MARS2: variants seen among roughly 807,000 people sequenced by gnomAD.
MARS2 encodes the protein methionyl-tRNA synthetase 2, mitochondrial, also known as methionine--tRNA ligase, mitochondrial.
In MARS2, 33 loss-of-function variants were observed where a neutral mutation model predicts 43.8. The ratio of observed to expected loss-of-function variants is 0.75; its 90% CI spans 0.57 to 1.01. The LOEUF is 1.01. Among genes scored for constraint, MARS2 ranks in the 50% least tolerant of loss-of-function variants. The pLI, the probability that MARS2 is intolerant of heterozygous loss-of-function variation, is 0.00. For missense variants in MARS2, 720 were observed against 763.0 expected (o/e 0.94, Z 0.66); for synonymous variants, 351 against 325.5 (o/e 1.08, Z -0.84).
At position 197,706,152 on chromosome 2, in the gene MARS2, G is replaced by A. The variant is rs1471057440; in HGVS notation, c.747G>A (p.Glu249=). 1 of 1,614,170 alleles carries A rather than the reference G, an allele frequency of 6.2e-7. No homozygotes were observed. Among genetic ancestry groups the A allele is most frequent in the Admixed American group, 1.7e-5 (1 of 60,032 alleles). ...TAGTTCTTCAGTGGCTGGACGAGGA[G>A]CTGCCCGACCTGTCCGTGTCTCGCA... is the stretch of plus-strand genomic sequence containing the variant. The part of the protein sequence containing the change: ...HHVVLQWLDE[E]LPDLSVSRRS... The change falls in exon 1 of 1, where the codon GAG becomes GAA. Residue 249 remains glutamate, a synonymous_variant. Transcript: ENST00000282276.
chr2:197,706,502 C>T lies in MARS2; in HGVS notation c.1097C>T (p.Thr366Ile). Residue 366 changes from threonine to isoleucine, a missense_variant, in exon 1 of 1, where the codon ACC becomes ATC. Physicochemically the swap from Thr to Ile is moderately conservative, Grantham distance 89. Coordinates refer to ENST00000282276, the MANE Select transcript of MARS2 (RefSeq NM_138395.4). ...VDPRTCLNRY[T>I]VDGFRYFLLR... ...CCTAGGACTTGCCTTAACCGCTATA[C>T]CGTGGATGGCTTCCGCTACTTTCTC... The T allele has an allele frequency of 6.2e-7, 1 of 1,614,054 alleles. No homozygotes were observed. Among genetic ancestry groups the T allele is most frequent in the Non-Finnish European group, 8.5e-7 (1 of 1,180,040 alleles).
In MARS2 at chr2:197,705,738, C is replaced by G; in HGVS notation, c.333C>G (p.Thr111=). 6.2e-7 allele frequency: 1 copy of G among 1,612,340 alleles called. No homozygotes were observed. The highest frequency in any genetic ancestry group is 8.5e-7 in the Non-Finnish European group (1 of 1,180,034). ...CAGCTACCGCGGGCCTGGCCCCGAC[C>G]GAGCTGTGCGACCGAGTCTCTGAGC... ...QAAATAGLAP[T]ELCDRVSEQF... Residue 111 remains threonine, a synonymous_variant, in exon 1 of 1, where the codon ACC becomes ACG. Transcript: ENST00000282276.
chr2:197,705,990 A>G lies in MARS2; in HGVS notation c.585A>G (p.Val195=). 6.2e-7 allele frequency: 1 copy of G among 1,614,172 alleles called. No individual in the cohort carries two copies. The highest frequency in any genetic ancestry group is 8.5e-7 in the Non-Finnish European group (1 of 1,180,030). ...GCCCATCGGGGGATTCGTTTCCTGT[A>G]TCTCTCGAGAGCGGGCATCCAGTCT... is the stretch of plus-strand genomic sequence containing the variant. ...QPGPSGDSFP[V]SLESGHPVSW... Residue 195 remains valine, a synonymous_variant, in exon 1 of 1, where the codon GTA becomes GTG. Transcript: ENST00000282276.
rs1045228041 is a variant in MARS2 at position 197,706,838 on chromosome 2, G to C, written c.1433G>C (p.Ser478Thr). ...TATAAGGCTCTGGAGGCCGTGTCCAGCTGTGTCCGGCAAACTAATGGTTTT... is the reference window on the plus strand; with the variant it reads ...TATAAGGCTCTGGAGGCCGTGTCCACCTGTGTCCGGCAAACTAATGGTTTT... ...RIYKALEAVS[S>T]CVRQTNGFVQ... is the part of the protein sequence containing the mutation. Residue 478 changes from serine to threonine, a missense_variant, in exon 1 of 1, where the codon AGC becomes ACC. Physicochemically the swap from Ser to Thr is moderately conservative, Grantham distance 58. Coordinates refer to ENST00000282276, the MANE Select transcript of MARS2 (RefSeq NM_138395.4). The C allele has an allele frequency of 1.2e-6, 2 of 1,614,024 alleles. No homozygotes were observed. Among genetic ancestry groups the C allele is most frequent in the African/African-American group, 2.7e-5 (2 of 74,938 alleles).
In MARS2 at chr2:197,705,578, C is replaced by T. The variant is rs779217180; in HGVS notation, c.173C>T (p.Pro58Leu). ...CCCATTTTCTACGTGAACGCGGCGC[C>T]GCACATCGGGCACCTGTACTCGGCA... The part of the protein sequence containing the change: ...TTPIFYVNAA[P>L]HIGHLYSALL... Residue 58 changes from proline to leucine, a missense_variant, in exon 1 of 1, where the codon CCG becomes CTG. Transcript: ENST00000282276. 1.7e-5 allele frequency: 27 copies of T among 1,613,140 alleles called. No homozygotes were observed. In the East Asian group the frequency reaches 4.0e-4, roughly 24 times the overall value.
chr2:197,705,501 C>T lies in MARS2; in HGVS notation c.96C>T (p.Gly32=), dbSNP rs375008266. ...EDFGPRYYSS[G]SLSAGDDACD... ...TCGGCCCACGCTACTACAGTTCGGGCTCCCTCAGTGCCGGCGATGATGCTT... is the reference window on the plus strand; with the variant it reads ...TCGGCCCACGCTACTACAGTTCGGGTTCCCTCAGTGCCGGCGATGATGCTT... The change falls in exon 1 of 1, where the codon GGC becomes GGT. Residue 32 remains glycine (G), a synonymous_variant. Transcript: ENST00000282276. 1 of 1,613,192 alleles carries T rather than the reference C, an allele frequency of 6.2e-7. No homozygotes were observed. The highest frequency in any genetic ancestry group is 1.3e-5 in the African/African-American group (1 of 75,040).
In MARS2 at chr2:197,706,085, G is replaced by A. The variant is rs898307831; in HGVS notation, c.680G>A (p.Arg227Gln). ...QFRKPLQRWL[R>Q]GNPQAITPEP... Reference sequence around the variant, plus strand: ...CGGAAGCCACTCCAGCGGTGGCTGCGGGGCAACCCTCAGGCGATCACCCCC... The same window carrying A: ...CGGAAGCCACTCCAGCGGTGGCTGCAGGGCAACCCTCAGGCGATCACCCCC... The change falls in exon 1 of 1, where the codon CGG (arginine) becomes CAG (glutamine). Residue 227 changes from arginine (R) to glutamine (Q), a missense_variant. Coordinates refer to ENST00000282276, the MANE Select transcript of MARS2 (RefSeq NM_138395.4). The A allele has an allele frequency of 1.4e-5, 23 of 1,614,024 alleles. No individual in the cohort carries two copies. In the East Asian group the frequency reaches 4.7e-4, roughly 33 times the overall value.
Position 197,706,836 on chromosome 2 carries a change from C to T in MARS2, c.1431C>T (p.Ser477=), listed in dbSNP as rs372857559. 5 of 1,614,064 alleles carry T rather than the reference C, an allele frequency of 3.1e-6. No homozygotes were observed. The highest frequency in any genetic ancestry group is 1.6e-4 in the Middle Eastern group (1 of 6,084). ...FRIYKALEAV[S]SCVRQTNGFV... The stretch of plus-strand genomic sequence containing the variant: ...TATATAAGGCTCTGGAGGCCGTGTC[C>T]AGCTGTGTCCGGCAAACTAATGGTT... The change falls in exon 1 of 1, where the codon TCC becomes TCT. Residue 477 remains serine (S), a synonymous_variant. Coordinates refer to ENST00000282276, the MANE Select transcript of MARS2 (RefSeq NM_138395.4).
Position 197,705,999 on chromosome 2 carries a change from G to A in MARS2, c.594G>A (p.Glu198=). ...PSGDSFPVSL[E]SGHPVSWTKE... ...GGGATTCGTTTCCTGTATCTCTCGA[G>A]AGCGGGCATCCAGTCTCCTGGACCA... The change falls in exon 1 of 1, where the codon GAG becomes GAA. Residue 198 remains glutamate, a synonymous_variant. Coordinates refer to ENST00000282276, the MANE Select transcript of MARS2 (RefSeq NM_138395.4). The A allele has an allele frequency of 2.5e-6, 4 of 1,614,216 alleles. No homozygotes were observed. Among genetic ancestry groups the A allele is most frequent in the Non-Finnish European group, 3.4e-6 (4 of 1,180,054 alleles).
rs1331585191 is a variant in MARS2 at position 197,707,420 on chromosome 2, A to G, written c.*233A>G. On this transcript the variant is annotated 3_prime_UTR_variant, in exon 1 of 1. Transcript: ENST00000282276. ...TGTGTCTAAGATGTCTTCAGGGGAAAGATGGGTAAGAGACAGTGTTGCTAA... is the reference window on the plus strand; with the variant it reads ...TGTGTCTAAGATGTCTTCAGGGGAAGGATGGGTAAGAGACAGTGTTGCTAA... 1.0e-5 allele frequency: 5 copies of G among 501,550 alleles called. No individual in the cohort carries two copies. The highest frequency in any genetic ancestry group is 9.7e-5 in the African/African-American group (5 of 51,654). The allele number at this position is 501,550 out of a possible 1,614,324, so 31.1% of individuals were successfully genotyped here.
chr2:197,705,699 G>T lies in MARS2; in HGVS notation c.294G>T (p.Lys98Asn). The part of the protein sequence containing the change: ...FSTGTDEHGL[K>N]IQQAAATAGL... Reference sequence around the variant, plus strand: ...CTGGTACCGACGAGCACGGGCTGAAGATTCAGCAGGCAGCAGCTACCGCGG... The same window carrying T: ...CTGGTACCGACGAGCACGGGCTGAATATTCAGCAGGCAGCAGCTACCGCGG... The change falls in exon 1 of 1, where the codon AAG becomes AAT. Residue 98 changes from lysine (K) to asparagine (N), a missense_variant. Coordinates refer to ENST00000282276, the MANE Select transcript of MARS2 (RefSeq NM_138395.4). 7 of 1,611,172 alleles carry T rather than the reference G, an allele frequency of 4.3e-6. No homozygotes were observed. The highest frequency in any genetic ancestry group is 5.9e-6 in the Non-Finnish European group (7 of 1,180,028).
chr2:197,706,551 G>A lies in MARS2; in HGVS notation c.1146G>A (p.Trp382Ter). The A allele has an allele frequency of 6.2e-7, 1 of 1,614,202 alleles. No homozygotes were observed. The highest frequency in any genetic ancestry group is 1.3e-5 in the African/African-American group (1 of 75,056). ...YFLLRQGVPNWDCDYYDEKVV... is the reference protein window; with the variant it reads ...YFLLRQGVPN ...TCCTTCGGCAGGGCGTCCCCAACTG[G>A]GACTGTGACTACTATGATGAAAAGG... is the stretch of plus-strand genomic sequence containing the variant. Residue 382 changes from tryptophan (W) to a stop codon, truncating the protein, a stop_gained, in exon 1 of 1, where the codon TGG (tryptophan) becomes TGA (stop). Coordinates refer to ENST00000282276, the MANE Select transcript of MARS2 (RefSeq NM_138395.4). LOFTEE classifies it high-confidence loss of function.
Position 197,706,038 on chromosome 2 carries a change from C to G in MARS2, c.633C>G (p.Tyr211Ter), listed in dbSNP as rs2106292849. The G allele has an allele frequency of 6.2e-7, 1 of 1,614,168 alleles. No homozygotes were observed. The highest frequency in any genetic ancestry group is 1.6e-4 in the Middle Eastern group (1 of 6,062). ...HPVSWTKEENYIFRLSQFRKP... is the reference protein window; with the variant it reads ...HPVSWTKEEN ...TCTCCTGGACCAAGGAAGAAAACTA[C>G]ATTTTCAGGCTTTCCCAGTTCCGGA... The change falls in exon 1 of 1, where the codon TAC becomes TAG. Residue 211 changes from tyrosine to a stop codon, truncating the protein, a stop_gained. Coordinates refer to ENST00000282276, the MANE Select transcript of MARS2 (RefSeq NM_138395.4). LOFTEE classifies it high-confidence loss of function.
Position 197,705,783 on chromosome 2 carries a change from G to A in MARS2, c.378G>A (p.Gln126=). The A allele has an allele frequency of 2.5e-6, 4 of 1,613,490 alleles. No individual in the cohort carries two copies. Among genetic ancestry groups the A allele is most frequent in the Non-Finnish European group, 3.4e-6 (4 of 1,180,050 alleles). The stretch of plus-strand genomic sequence containing the variant: ...CTGAGCAGTTCCAGCAGCTTTTCCA[G>A]GAGGCCGGTATCTCCTGCACAGATT... ...RVSEQFQQLF[Q]EAGISCTDFI... The change falls in exon 1 of 1, where the codon CAG becomes CAA. Residue 126 remains glutamine (Q), a synonymous_variant. Transcript: ENST00000282276.
In MARS2 at chr2:197,706,837, A is replaced by G; in HGVS notation, c.1432A>G (p.Ser478Gly). ...ATATAAGGCTCTGGAGGCCGTGTCC[A>G]GCTGTGTCCGGCAAACTAATGGTTT... ...RIYKALEAVS[S>G]CVRQTNGFVQ... The change falls in exon 1 of 1, where the codon AGC (serine) becomes GGC (glycine). Residue 478 changes from serine (S) to glycine (G), a missense_variant. Physicochemically the swap from Ser to Gly is moderately conservative, Grantham distance 56. Coordinates refer to ENST00000282276, the MANE Select transcript of MARS2 (RefSeq NM_138395.4). 4.3e-6 allele frequency: 7 copies of G among 1,614,196 alleles called. No individual in the cohort carries two copies. The highest frequency in any genetic ancestry group is 5.1e-6 in the Non-Finnish European group (6 of 1,180,042).
chr2:197,706,470 G>C lies in MARS2; in HGVS notation c.1065G>C (p.Val355=). Residue 355 remains valine, a synonymous_variant, in exon 1 of 1, where the codon GTG becomes GTC. Coordinates refer to ENST00000282276, the MANE Select transcript of MARS2 (RefSeq NM_138395.4). ...AGATGTCCAAGAGCTTGGGCAACGT[G>C]GTGGATCCTAGGACTTGCCTTAACC... ...GQKMSKSLGN[V]VDPRTCLNRY... 1.2e-6 allele frequency: 2 copies of C among 1,613,768 alleles called. No individual in the cohort carries two copies. The highest frequency in any genetic ancestry group is 1.1e-5 in the South Asian group (1 of 91,090).
chr2:197,707,179 C>G lies in MARS2; in HGVS notation c.1774C>G (p.Arg592Gly), dbSNP rs918152579. Residue 592 changes from arginine (R) to glycine (G), a missense_variant, in exon 1 of 1, where the codon CGG (arginine) becomes GGG (glycine). By Grantham distance (125) the Arg-to-Gly change is moderately radical. Transcript: ENST00000282276. Reference protein sequence around the residue: ...QSRTWLVKAHRT With the variant: ...QSRTWLVKAHGT Reference sequence around the variant, plus strand: ...CAGGACTTGGCTGGTGAAAGCCCACCGGACCTAGAAACTCAGTTCTTACCG... The same window carrying G: ...CAGGACTTGGCTGGTGAAAGCCCACGGGACCTAGAAACTCAGTTCTTACCG... 1.1e-5 allele frequency: 17 copies of G among 1,609,982 alleles called. No individual in the cohort carries two copies. The highest frequency in any genetic ancestry group is 1.4e-5 in the Non-Finnish European group (16 of 1,178,154).
chr2:197,706,759 G>A lies in MARS2; in HGVS notation c.1354G>A (p.Ala452Thr), dbSNP rs1004943124. 1.2e-6 allele frequency: 2 copies of A among 1,614,026 alleles called. No homozygotes were observed. The highest frequency in any genetic ancestry group is 3.3e-5 in the Admixed American group (2 of 60,032). Residue 452 changes from alanine (A) to threonine (T), a missense_variant, in exon 1 of 1, where the codon GCA becomes ACA. Physicochemically the swap from Ala to Thr is moderately conservative, Grantham distance 58. Transcript: ENST00000282276. ...AQAEDYALVS[A>T]VATLPKQVAD... ...GGCAGAGGATTATGCTCTGGTGAGC[G>A]CAGTGGCCACTTTGCCAAAGCAGGT... is the stretch of plus-strand genomic sequence containing the variant.
At position 197,705,448 on chromosome 2, in the gene MARS2, G is replaced by T. The variant is rs145171191; in HGVS notation, c.43G>T (p.Ala15Ser). The T allele has an allele frequency of 3.7e-6, 6 of 1,612,556 alleles. No individual in the cohort carries two copies. The highest frequency in any genetic ancestry group is 5.1e-6 in the Non-Finnish European group (6 of 1,179,928). Residue 15 changes from alanine to serine, a missense_variant, in exon 1 of 1, where the codon GCT becomes TCT. Coordinates refer to ENST00000282276, the MANE Select transcript of MARS2 (RefSeq NM_138395.4). ...CCTCCGCCTGCTAGGACGCACGGGG[G>T]CTAGTAGGCTGTCTCTCCTGGAGGA... ...SVLRLLGRTG[A>S]SRLSLLEDFG...
Sources: allele counts gnomAD v4.1 joint callset, GRCh38; gene constraint gnomAD v4.1.1; transcripts MANE v1.5; gene names NCBI Gene and HGNC (gene_info 2026-07-23, HGNC 2026-07-21).